Variants in LSAMP observed in about 807,000 individuals in gnomAD.
The protein encoded by LSAMP is limbic system associated membrane protein.
LSAMP carries 7 observed loss-of-function variants against 38.6 expected under a neutral mutation model. The ratio of observed to expected loss-of-function variants is 0.18; its 90% CI spans 0.10 to 0.34. The LOEUF is 0.34. Ranked by LOEUF, LSAMP falls within the 10% of genes least tolerant of loss-of-function variation. The pLI, the probability that LSAMP is intolerant of heterozygous loss-of-function variation, is 1.00. For synonymous variants in LSAMP, 154 were observed against 166.8 expected, an observed-to-expected ratio of 0.92 and a Z score of 0.59; for missense variants, 313 against 420.0, an observed-to-expected ratio of 0.75 and a Z score of 2.23.
chr3:116,136,661 C>A (rs773332312), intron 1 of LSAMP, among the ~76,000 whole-genome samples: 5 of 152,032 alleles, frequency 3.3e-5, no homozygotes, highest in Non-Finnish European at 7.4e-5. Flanking sequence ...GGTATCACCC[C>A]TTCTTATCCA....
chr3:116,427,120 T>C (rs1211042952), intron 1 of LSAMP, among the ~76,000 whole-genome samples: 4 of 142,022 alleles, frequency 2.8e-5, no homozygotes, highest in Non-Finnish European at 3.1e-5. Flanking sequence ...TTTTTTTTTT[T>C]TTTTTTTTTT....
chr3:116,269,236 CT>C (rs1216711689), intron 1 of LSAMP, among the ~76,000 whole-genome samples: 1 of 152,002 alleles, frequency 6.6e-6, no homozygotes, highest in Admixed American at 6.6e-5. Context: ...ATGTATAAGC[CT>C]TGTGATAATA....
At chr3:116,194,468 C>T (rs1355482114) in intron 1 of LSAMP, among the ~76,000 whole-genome samples, 2 of 152,148 alleles carry the variant, frequency 1.3e-5, no homozygotes, top group Non-Finnish European at 2.9e-5. Context: ...GATCTCAGCT[C>T]ACCGCAAGCT....
intron 1 of LSAMP, among the ~76,000 whole-genome samples, chr3:116,152,336 C>T (rs553962903): frequency 4.6e-5 from 7 of 152,200 alleles, no homozygotes; most frequent in South Asian, 2.1e-4. Flanking sequence ...TATCTGCAAT[C>T]GGTACCCATG....
At chr3:116,195,485 A>G (rs186703031) in intron 1 of LSAMP, among the ~76,000 whole-genome samples, 1 of 152,102 alleles carries the variant, frequency 6.6e-6, no homozygotes, top group African/African-American at 2.4e-5. Flanking sequence ...CAACTATCTC[A>G]CCTAAACAGT....
intron 1 of LSAMP, among the ~76,000 whole-genome samples, chr3:116,196,261 C>T (rs1710880643): frequency 6.6e-6 from 1 of 152,164 alleles, no homozygotes. Context: ...TGTTAGGCTT[C>T]ATTTCATTAT....
intron 1 of LSAMP, among the ~76,000 whole-genome samples, chr3:116,268,778 T>C (rs1350858977): frequency 9.2e-5 from 14 of 152,130 alleles, no homozygotes; most frequent in Admixed American, 9.2e-4. Flanking sequence ...AATTTGTTGC[T>C]CATTTAAAAA....
intron 3 of LSAMP, among the ~76,000 whole-genome samples, chr3:115,969,658 T>C (rs939337955): frequency 1.3e-5 from 2 of 152,220 alleles, no homozygotes; most frequent in Non-Finnish European, 2.9e-5. Flanking sequence ...AATGCTCTCA[T>C]GTTTCTGACA....
At chr3:116,020,027 C>G (rs894798677) in intron 2 of LSAMP, among the ~76,000 whole-genome samples, 1 of 151,904 alleles carries the variant, frequency 6.6e-6, no homozygotes, top group Non-Finnish European at 1.5e-5. Context: ...TAAATATAAT[C>G]CAATGTCTTC....
At chr3:116,003,443 G>C (rs761858535) in intron 3 of LSAMP, among the ~76,000 whole-genome samples, 3 of 152,082 alleles carry the variant, frequency 2.0e-5, no homozygotes, top group Non-Finnish European at 2.9e-5. Context: ...CCTTTCAAAA[G>C]TCATTTGGGT....
At chr3:116,310,160 A>C (rs1349639470) in intron 1 of LSAMP, among the ~76,000 whole-genome samples, 1 of 150,456 alleles carries the variant, frequency 6.6e-6, no homozygotes, top group African/African-American at 2.5e-5. Flanking sequence ...AACTCAATCT[A>C]TCTGGGAACA....
At chr3:116,158,597 C>T (rs1709812094) in intron 1 of LSAMP, among the ~76,000 whole-genome samples, 1 of 152,174 alleles carries the variant, frequency 6.6e-6, no homozygotes, top group East Asian at 1.9e-4. Flanking sequence ...ATCCCATTTG[C>T]AATAGCTACA....
At chr3:116,360,316 C>T (rs1218542560) in intron 1 of LSAMP, among the ~76,000 whole-genome samples, 1 of 56,256 alleles carries the variant, frequency 1.8e-5, no homozygotes, top group Non-Finnish European at 3.5e-5. Context: ...TAAGAAACGG[C>T]GCACCACGAG....
intron 1 of LSAMP, among the ~76,000 whole-genome samples, chr3:116,137,320 T>C (rs1039841267): frequency 5.3e-5 from 8 of 152,100 alleles, no homozygotes; most frequent in Non-Finnish European, 1.2e-4. Flanking sequence ...TGGACATCTT[T>C]GCAAGGGGGG....
At chr3:116,037,568 A>ATGT (rs1941073999) in intron 2 of LSAMP, among the ~76,000 whole-genome samples, 1 of 152,152 alleles carries the variant, frequency 6.6e-6, no homozygotes, top group Admixed American at 6.5e-5. Context: ...CAGGACAGAC[A>ATGT]CAAGGATTAA....
At chr3:116,029,394 T>A (rs1940867055) in intron 2 of LSAMP, among the ~76,000 whole-genome samples, 2 of 152,158 alleles carry the variant, frequency 1.3e-5, no homozygotes, top group Non-Finnish European at 2.9e-5. Flanking sequence ...ATAGCTTCTT[T>A]GAGTGTCAGG....
chr3:116,238,052 G>T (rs1383833731), intron 1 of LSAMP, among the ~76,000 whole-genome samples: 1 of 152,020 alleles, frequency 6.6e-6, no homozygotes, highest in Non-Finnish European at 1.5e-5. Flanking sequence ...CCCAGTTGTG[G>T]TAACCAAAAA....
At chr3:116,146,003 A>G (rs1381066) in intron 1 of LSAMP, among the ~76,000 whole-genome samples, 10,134 of 151,914 alleles carry the variant, frequency 0.067, 400 homozygotes, top group Middle Eastern at 0.16. Context: ...AAAATTATGA[A>G]TTATTTAAGT....
intron 1 of LSAMP, among the ~76,000 whole-genome samples, chr3:116,283,834 C>CATT (rs2047159941): frequency 6.6e-6 from 1 of 151,896 alleles, no homozygotes; most frequent in African/African-American, 2.4e-5. Context: ...GGCAAAACCC[C>CATT]ATTTCTACTA....
Sources: allele counts gnomAD v4.1 joint callset (sites outside exome capture counted in the v4.1 genomes callset), GRCh38; gene constraint gnomAD v4.1.1; transcripts MANE v1.5; gene names NCBI Gene and HGNC (gene_info 2026-07-23, HGNC 2026-07-21).